Variants in NBDY observed in about 807,000 individuals in gnomAD.
The protein encoded by NBDY is P-body dissociating protein.
intron 2 of NBDY, among the ~76,000 whole-genome samples, chrX:56,789,622 T>C: frequency 9.0e-6 from 1 of 111,069 alleles, no homozygotes; most frequent in Non-Finnish European, 1.9e-5. Flanking sequence ...GGGTCGGATG[T>C]TTGTTGAGAT....
intron 2 of NBDY, among the ~76,000 whole-genome samples, chrX:56,788,913 T>C (rs1243350627): frequency 8.9e-6 from 1 of 112,301 alleles, no homozygotes; most frequent in Non-Finnish European, 1.9e-5. Flanking sequence ...TAAACCCCAG[T>C]TGGGGAAACC....
At position 56,804,732 on chromosome X, in the gene NBDY, G is replaced by A. The variant is rs773938716; in HGVS notation, c.*167-12588G>A. On this transcript the variant is annotated intron_variant, in intron 2 of 2. Coordinates refer to ENST00000374922, the MANE Select transcript of NBDY (RefSeq NM_001348129.2). ...TGTCAGATTATTCAGCCTGGAAAATGGATGAGACAGTGGAGGACAAATTGT... is the reference window on the plus strand; with the variant it reads ...TGTCAGATTATTCAGCCTGGAAAATAGATGAGACAGTGGAGGACAAATTGT... Among the ~76,000 whole-genome samples the A allele has an allele frequency of 3.0e-3, 333 of 111,883 alleles. 1 individual carries two copies. Among genetic ancestry groups the A allele is most frequent in the Non-Finnish European group, 4.7e-3 (252 of 53,179 alleles).
intron 2 of NBDY, among the ~76,000 whole-genome samples, chrX:56,742,595 G>C (rs1245813471): frequency 1.8e-5 from 2 of 111,340 alleles, no homozygotes; most frequent in East Asian, 5.6e-4. Flanking sequence ...TTTGGCCATT[G>C]TAAGTGGAAT....
chrX:56,767,478 G>C (rs1391521949), intron 2 of NBDY, among the ~76,000 whole-genome samples: 2 of 113,145 alleles, frequency 1.8e-5, no homozygotes, highest in African/African-American at 6.4e-5. Flanking sequence ...CTCAGCTTGC[G>C]GGGAGGTGTG....
intron 2 of NBDY, among the ~76,000 whole-genome samples, chrX:56,744,921 T>C (rs2069549272): frequency 8.9e-6 from 1 of 111,836 alleles, no homozygotes; most frequent in African/African-American, 3.2e-5. Context: ...ATTCTTACCA[T>C]AGGTCTTAGC....
intron 2 of NBDY, among the ~76,000 whole-genome samples, chrX:56,767,149 C>A (rs1170337901): frequency 8.8e-6 from 1 of 113,612 alleles, no homozygotes; most frequent in Non-Finnish European, 1.9e-5. Flanking sequence ...GTCCTTCTGC[C>A]GTTTTCCAGT....
intron 2 of NBDY, among the ~76,000 whole-genome samples, chrX:56,789,404 G>C (rs1285380729): frequency 2.7e-5 from 3 of 112,131 alleles, no homozygotes; most frequent in South Asian, 3.7e-4. Flanking sequence ...GGATGTGTGA[G>C]TGTGTGGGCC....
At chrX:56,764,208 C>T (rs1319595850) in intron 2 of NBDY, among the ~76,000 whole-genome samples, 1 of 112,530 alleles carries the variant, frequency 8.9e-6, no homozygotes, top group Non-Finnish European at 1.9e-5. Flanking sequence ...TCTCCAGTAT[C>T]CCGAAGCTCC....
At chrX:56,757,674 G>T (rs1293220600) in intron 2 of NBDY, among the ~76,000 whole-genome samples, 2 of 110,908 alleles carry the variant, frequency 1.8e-5, no homozygotes, top group African/African-American at 6.6e-5. Context: ...AAAAAGAAGA[G>T]AAGAGAAGGG....
chrX:56,790,554 C>G (rs2069756787), intron 2 of NBDY, among the ~76,000 whole-genome samples: 1 of 112,368 alleles, frequency 8.9e-6, no homozygotes, highest in African/African-American at 3.2e-5. Context: ...CACGGGGCAC[C>G]TCCGGCCCTG....
At position 56,731,402 on chromosome X, in the gene NBDY, T is replaced by TAA. The variant is rs56304858; in HGVS notation, c.*30-642_*30-641dup. On this transcript the variant is annotated intron_variant, in intron 1 of 2. Transcript: ENST00000374922. ...GGCGAAACCCCATCTCTACTAAAAG[T>TAA]AAAAAAAAAAAAAAAAAAAATAGCC... 4.6e-3 allele frequency among the ~76,000 whole-genome samples: 329 copies of TAA among 71,249 alleles called. 2 individuals carry two copies. The highest frequency in any genetic ancestry group is 3.9e-3 in the South Asian group (5 of 1,272). The allele number at this position is 71,249 out of a possible 115,157, so 61.9% of individuals were successfully genotyped here.
At chrX:56,806,913 G>T (rs1403487221) in intron 2 of NBDY, among the ~76,000 whole-genome samples, 1 of 112,221 alleles carries the variant, frequency 8.9e-6, no homozygotes, top group African/African-American at 3.2e-5. Context: ...GAATGGTATT[G>T]CCTAGGTTTT....
chrX:56,793,442 G>A (rs2069774578), intron 2 of NBDY, among the ~76,000 whole-genome samples: 1 of 111,216 alleles, frequency 9.0e-6, no homozygotes. Flanking sequence ...TAAATTTGGT[G>A]GTCAACCTGG....
chrX:56,747,919 G>T (rs528749102), intron 2 of NBDY, among the ~76,000 whole-genome samples: 1 of 111,350 alleles, frequency 9.0e-6, no homozygotes, highest in East Asian at 2.8e-4. Context: ...TATATATTAA[G>T]AAATGTATTA....
chrX:56,730,285 G>T (rs1318593378), intron 1 of NBDY, among the ~76,000 whole-genome samples: 1 of 107,660 alleles, frequency 9.3e-6, no homozygotes, highest in African/African-American at 3.4e-5. Flanking sequence ...GGATGCCGAG[G>T]TGAGCAGATC....
chrX:56,799,540 C>T (rs1323519668), intron 2 of NBDY, among the ~76,000 whole-genome samples: 3 of 113,265 alleles, frequency 2.6e-5, no homozygotes, highest in Admixed American at 1.8e-4. Context: ...CTCTGAACCC[C>T]AGTGGGGGAA....
chrX:56,753,873 G>A (rs1400585646), intron 2 of NBDY, among the ~76,000 whole-genome samples: 1 of 111,173 alleles, frequency 9.0e-6, no homozygotes, highest in African/African-American at 3.3e-5. Context: ...GGCATAGAAG[G>A]GACAGAAAAA....
chrX:56,746,401 T>A (rs1444464530), intron 2 of NBDY, among the ~76,000 whole-genome samples: 2 of 111,523 alleles, frequency 1.8e-5, no homozygotes, highest in Non-Finnish European at 3.8e-5. Flanking sequence ...GTCTTCTGTC[T>A]CTGGGAAGAT....
Position 56,782,579 on chromosome X carries a change from C to T in NBDY, c.*167-34741C>T, listed in dbSNP as rs1290105413. ...ATACCAAAAACCTTCCCACATGTTG[C>T]TTTTAAGTGAAATGTCATGGTGAAC... is the stretch of plus-strand genomic sequence containing the variant. On this transcript the variant is annotated intron_variant, in intron 2 of 2. Coordinates refer to ENST00000374922, the MANE Select transcript of NBDY (RefSeq NM_001348129.2). 2.7e-5 allele frequency among the ~76,000 whole-genome samples: 3 copies of T among 112,065 alleles called. No homozygotes were observed. The East Asian group carries it at 8.4e-4, about 31-fold the overall frequency.
Sources: gnomAD v4.1 joint callset for allele counts (sites outside exome capture counted in the v4.1 genomes callset) on GRCh38, gnomAD v4.1.1 for gene constraint, MANE v1.5 for transcripts, NCBI Gene and HGNC (gene_info 2026-07-23, HGNC 2026-07-21) for gene names.